The following SLC16A7 variants were observed in gnomAD, a reference collection of about 807,000 sequenced individuals.
SLC16A7 encodes the protein monocarboxylate transporter 2.
In SLC16A7, 33 loss-of-function variants were observed where a neutral mutation model predicts 34.9. That is an observed-to-expected ratio of 0.94 (90% CI 0.72 to 1.26). The LOEUF (loss-of-function observed/expected upper bound fraction) is 1.26, where lower values mean the gene tolerates loss of function less well. Ranked by LOEUF, SLC16A7 falls within the 50% of genes most tolerant of loss-of-function variation. SLC16A7 has a pLI of 0.00. For missense variants in SLC16A7, 573 were observed against 578.1 expected (o/e 0.99, Z 0.09); for synonymous variants, 201 against 206.6 (o/e 0.97, Z 0.23).
At position 59,789,630 on chromosome 12, in the gene SLC16A7, C is replaced by G. The variant is rs1327628433; in HGVS notation, c.*9951C>G. The G allele has an allele frequency of 6.6e-6, 1 of 152,066 alleles. No individual in the cohort carries two copies. Among genetic ancestry groups the G allele is most frequent in the Non-Finnish European group, 1.5e-5 (1 of 68,002 alleles). 9.4% of individuals were successfully genotyped at this position (152,066 alleles called of 1,614,324 possible). A position where few individuals can be genotyped will look rare whatever the true frequency, so the allele number is the denominator to read the frequency against. ...GAAGGTTGCAATAAAATCAGAATCTCTCTTGTCTGAATTATGCAGTTTAAC... is the reference window on the plus strand; with the variant it reads ...GAAGGTTGCAATAAAATCAGAATCTGTCTTGTCTGAATTATGCAGTTTAAC... On this transcript the variant is annotated 3_prime_UTR_variant, in exon 6 of 6. Transcript: ENST00000547379.
At chr12:59,635,174 A>G (rs769973411) in intron 1 of SLC16A7, among the ~76,000 whole-genome samples, 31 of 152,048 alleles carry the variant, frequency 2.0e-4, no homozygotes, top group Non-Finnish European at 2.8e-4. Context: ...TATGTGCTCT[A>G]AATTCTCATT....
chr12:59,762,003 A>T (rs766744455), intron 3 of SLC16A7, among the ~76,000 whole-genome samples: 3 of 152,002 alleles, frequency 2.0e-5, no homozygotes, highest in Non-Finnish European at 4.4e-5. Flanking sequence ...TATTAAGGGG[A>T]TTCCATCTTT....
chr12:59,633,069 G>A (rs1359989934), intron 1 of SLC16A7, among the ~76,000 whole-genome samples: 8 of 151,882 alleles, frequency 5.3e-5, no homozygotes, highest in Admixed American at 4.6e-4. Flanking sequence ...ATCCGGGGGT[G>A]GATATGACAA....
At chr12:59,699,164 T>C (rs908947691) in intron 2 of SLC16A7, among the ~76,000 whole-genome samples, 1 of 151,658 alleles carries the variant, frequency 6.6e-6, no homozygotes, top group Admixed American at 6.6e-5. Flanking sequence ...TAAATAGTTA[T>C]TGATTTTAAT....
chr12:59,658,172 A>G (rs1337786702), intron 2 of SLC16A7, among the ~76,000 whole-genome samples: 1 of 152,056 alleles, frequency 6.6e-6, no homozygotes, highest in Non-Finnish European at 1.5e-5. Flanking sequence ...GGTGTGTTTT[A>G]GTAAAATGAG....
At chr12:59,695,739 A>C (rs1490128783) in intron 2 of SLC16A7, among the ~76,000 whole-genome samples, 2 of 152,044 alleles carry the variant, frequency 1.3e-5, no homozygotes, top group African/African-American at 2.4e-5. Flanking sequence ...CTTAGTTTTG[A>C]TCTAGGCAAA....
In SLC16A7 at chr12:59,780,493, A is replaced by G. The variant is rs1883167032; in HGVS notation, c.*814A>G. On this transcript the variant is annotated 3_prime_UTR_variant, in exon 6 of 6. Coordinates refer to ENST00000547379, the MANE Select transcript of SLC16A7 (RefSeq NM_001270623.2). ...AGGGAGCATTAGTACCTGGTGCTAG[A>G]GAATAGAACCCTCAAATAATTTTTA... 6.6e-6 allele frequency: 1 copy of G among 152,128 alleles called. No homozygotes were observed. The highest frequency in any genetic ancestry group is 2.1e-4 in the South Asian group (1 of 4,832). 9.4% of individuals were successfully genotyped at this position (152,128 alleles called of 1,614,324 possible). A position where few individuals can be genotyped will look rare whatever the true frequency, so the allele number is the denominator to read the frequency against.
intron 1 of SLC16A7, among the ~76,000 whole-genome samples, chr12:59,649,359 A>G (rs1215868851): frequency 6.6e-6 from 1 of 152,168 alleles, no homozygotes; most frequent in Non-Finnish European, 1.5e-5. Context: ...ATTAGAGGAA[A>G]CAGTTTATTT....
chr12:59,628,133 C>G (rs1046241370), intron 1 of SLC16A7, among the ~76,000 whole-genome samples: 1 of 151,604 alleles, frequency 6.6e-6, no homozygotes, highest in African/African-American at 2.4e-5. Context: ...TCCATAGCTC[C>G]TCTCTTTACT....
At chr12:59,711,336 G>A (rs1192933855) in intron 3 of SLC16A7, among the ~76,000 whole-genome samples, 2 of 152,170 alleles carry the variant, frequency 1.3e-5, no homozygotes, top group Non-Finnish European at 2.9e-5. Context: ...GAATAAAAAT[G>A]TGTTGGGTTT....
At chr12:59,732,891 A>G (rs1392843363) in intron 3 of SLC16A7, among the ~76,000 whole-genome samples, 1 of 152,190 alleles carries the variant, frequency 6.6e-6, no homozygotes, top group Non-Finnish European at 1.5e-5. Flanking sequence ...GACAGACAAG[A>G]TCACTTTTAA....
intron 2 of SLC16A7, among the ~76,000 whole-genome samples, chr12:59,678,588 G>T (rs941522529): frequency 3.9e-5 from 6 of 152,140 alleles, no homozygotes; most frequent in African/African-American, 1.4e-4. Flanking sequence ...GTCTAGCTGA[G>T]TCCAGGGTTT....
chr12:59,599,545 A>G (rs1878585824), intron 1 of SLC16A7, among the ~76,000 whole-genome samples: 1 of 152,206 alleles, frequency 6.6e-6, no homozygotes, highest in African/African-American at 2.4e-5. Context: ...GGGGCACTGG[A>G]TTTAAATTTT....
intron 3 of SLC16A7, among the ~76,000 whole-genome samples, chr12:59,713,635 T>C (rs1018737491): frequency 3.3e-5 from 5 of 152,172 alleles, no homozygotes; most frequent in Admixed American, 1.3e-4. Context: ...TAGAATTTGC[T>C]CAGCTGGCTG....
chr12:59,617,439 T>C (rs1879504127), intron 1 of SLC16A7, among the ~76,000 whole-genome samples: 1 of 151,996 alleles, frequency 6.6e-6, no homozygotes, highest in African/African-American at 2.4e-5. Flanking sequence ...GAAGACTATT[T>C]AGGAAACATT....
chr12:59,763,054 T>A (rs1881184164), intron 3 of SLC16A7, among the ~76,000 whole-genome samples: 1 of 152,076 alleles, frequency 6.6e-6, no homozygotes, highest in Admixed American at 6.6e-5. Flanking sequence ...ATCATAAGAC[T>A]ACATGGTTAA....
intron 1 of SLC16A7, among the ~76,000 whole-genome samples, chr12:59,652,902 TG>T (rs1323073825): frequency 1.3e-5 from 2 of 151,824 alleles, no homozygotes; most frequent in African/African-American, 4.8e-5. Context: ...TTCTAACTTT[TG>T]TACAAGGTGA....
In SLC16A7 at chr12:59,596,418, A is replaced by C. The variant is rs1234229641; in HGVS notation, c.-130+182A>C. Among the ~76,000 whole-genome samples, 4 of 147,698 alleles carry C rather than the reference A, an allele frequency of 2.7e-5. No individual in the cohort carries two copies. Among genetic ancestry groups the C allele is most frequent in the African/African-American group, 1.1e-4 (4 of 37,232 alleles). On this transcript the variant is annotated intron_variant, in intron 1 of 5. Coordinates refer to ENST00000547379, the MANE Select transcript of SLC16A7 (RefSeq NM_001270623.2). This position sits in a 1 kb window ranked among gnomAD's most constrained non-coding sequence, Gnocchi z 5.0. Reference sequence around the variant, plus strand: ...TTGGCCAGCGAGCCCTTATATAGACAAAAAAATCCCGAAGCGGCCGCGGGA... The same window carrying C: ...TTGGCCAGCGAGCCCTTATATAGACCAAAAAATCCCGAAGCGGCCGCGGGA...
intron 2 of SLC16A7, among the ~76,000 whole-genome samples, chr12:59,656,861 T>C (rs2137025044): frequency 6.6e-6 from 1 of 152,146 alleles, no homozygotes; most frequent in African/African-American, 2.4e-5. Context: ...GGAACCAGCT[T>C]AACCCTGCCT....
Sources: gnomAD v4.1 joint callset for allele counts (sites outside exome capture counted in the v4.1 genomes callset) on GRCh38, gnomAD v4.1.1 for gene constraint, Gnocchi (gnomAD v3.1) non-coding constraint, MANE v1.5 for transcripts, NCBI Gene and HGNC (gene_info 2026-07-23, HGNC 2026-07-21) for gene names.